CNTN4: variants seen among roughly 807,000 people sequenced by gnomAD.
CNTN4 encodes the protein contactin 4, also known as contactin-4.
Under a neutral mutation model 122.5 loss-of-function variants are expected in CNTN4, and 77 were observed. That is an observed-to-expected ratio of 0.63 (90% confidence interval 0.52 to 0.76). The LOEUF (loss-of-function observed/expected upper bound fraction) is 0.76. Ranked by LOEUF, CNTN4 falls within the 30% of genes least tolerant of loss-of-function variation. CNTN4 has a pLI of 0.00. For synonymous variants in CNTN4, 512 were observed against 447.0 expected (o/e 1.15, Z -1.83); for missense variants, 1,256 against 1,259.1 (o/e 1.00, Z 0.04).
intron 4 of CNTN4, among the ~76,000 whole-genome samples, chr3:2,689,246 G>C (rs1049005217): frequency 1.3e-5 from 2 of 152,136 alleles, no homozygotes; most frequent in Non-Finnish European, 2.9e-5. Context: ...CTAAATTCCA[G>C]TCAAAGTTGC....
intron 5 of CNTN4, among the ~76,000 whole-genome samples, chr3:2,744,524 C>T (rs1337338695): frequency 6.6e-6 from 1 of 152,174 alleles, no homozygotes; most frequent in Non-Finnish European, 1.5e-5. Flanking sequence ...GTGAATGCTG[C>T]TGTGATACTC....
At chr3:2,522,249 GT>G (rs2077248832) in intron 3 of CNTN4, among the ~76,000 whole-genome samples, 1 of 151,412 alleles carries the variant, frequency 6.6e-6, no homozygotes. Context: ...TACTTCCATA[GT>G]CTAGAAACAT....
intron 3 of CNTN4, among the ~76,000 whole-genome samples, chr3:2,373,820 A>G (rs947603916): frequency 1.3e-5 from 2 of 152,174 alleles, no homozygotes; most frequent in East Asian, 1.9e-4. Context: ...TTAAAGGTCA[A>G]CCTAATTAAA....
At chr3:2,843,748 C>T (rs533879679) in intron 7 of CNTN4, among the ~76,000 whole-genome samples, 49 of 152,288 alleles carry the variant, frequency 3.2e-4, no homozygotes, top group African/African-American at 1.1e-3. Context: ...TCCCCAGAAG[C>T]GGATACCAGC....
chr3:2,127,658 A>T (rs929520455), intron 2 of CNTN4, among the ~76,000 whole-genome samples: 93 of 152,268 alleles, frequency 6.1e-4, no homozygotes, highest in African/African-American at 2.1e-3. Context: ...TTACAGAAGG[A>T]TCAGATTCCA....
chr3:2,208,314 C>G (rs143492314), intron 2 of CNTN4, among the ~76,000 whole-genome samples: 12 of 152,198 alleles, frequency 7.9e-5, no homozygotes, highest in African/African-American at 2.6e-4. Flanking sequence ...TACAGAGGTT[C>G]AAGATTTCAG....
intron 2 of CNTN4, among the ~76,000 whole-genome samples, chr3:2,327,924 C>T (rs1328051684): frequency 6.6e-6 from 1 of 152,140 alleles, no homozygotes; most frequent in East Asian, 1.9e-4. Flanking sequence ...AAAGAATTCC[C>T]CTCACCCCTT....
At chr3:2,705,624 A>G (rs2086641634) in intron 4 of CNTN4, among the ~76,000 whole-genome samples, 1 of 88,516 alleles carries the variant, frequency 1.1e-5, no homozygotes, top group Non-Finnish European at 1.9e-5. Flanking sequence ...TATATATAAT[A>G]TATAAATATA....
chr3:3,043,163 C>T lies in CNTN4; in HGVS notation c.2698C>T (p.Pro900Ser), dbSNP rs756387456. 4.3e-6 allele frequency: 7 copies of T among 1,613,896 alleles called. No individual in the cohort carries two copies. Among genetic ancestry groups the T allele is most frequent in the South Asian group, 1.1e-5 (1 of 91,080 alleles). Residue 900 changes from proline to serine, a missense_variant and splice_region_variant, in exon 22 of 25, where the codon CCA becomes TCA. Physicochemically the swap from Pro to Ser is moderately conservative, Grantham distance 74. Transcript: ENST00000418658. Reference sequence around the variant, plus strand: ...AGTCAATGTGACAACCCGAAAGCCACGTAAGAACAGACTTGCTCAGAAATA... The same window carrying T: ...AGTCAATGTGACAACCCGAAAGCCATGTAAGAACAGACTTGCTCAGAAATA... Reference protein sequence around the residue: ...ATVNVTTRKPPPSQPPGNIIW... With the variant: ...ATVNVTTRKPSPSQPPGNIIW...
intron 2 of CNTN4, among the ~76,000 whole-genome samples, chr3:2,118,370 A>AC (rs2033512971): frequency 6.6e-6 from 1 of 151,970 alleles, no homozygotes. Flanking sequence ...TATGCTTAAA[A>AC]CCCCTTAGTA....
At position 2,798,698 on chromosome 3, in the gene CNTN4, A is replaced by T. The variant is rs78353971; in HGVS notation, c.359-20788A>T. 5.8e-3 allele frequency among the ~76,000 whole-genome samples: 887 copies of T among 152,192 alleles called. 10 individuals carry two copies. The highest frequency in any genetic ancestry group is 0.019 in the African/African-American group (794 of 41,518). On this transcript the variant is annotated intron_variant, in intron 6 of 24. Coordinates refer to ENST00000418658, the MANE Select transcript of CNTN4 (RefSeq NM_175607.3). ...CTGTTTTTTTGTATTTTTAGTAGAGATGCGGCCTTGTCATGTTGTCCAGGC... is the reference window on the plus strand; with the variant it reads ...CTGTTTTTTTGTATTTTTAGTAGAGTTGCGGCCTTGTCATGTTGTCCAGGC...
intron 3 of CNTN4, among the ~76,000 whole-genome samples, chr3:2,496,215 C>G (rs895978697): frequency 6.6e-6 from 1 of 152,070 alleles, no homozygotes; most frequent in Admixed American, 6.6e-5. Flanking sequence ...AGTAGGAAAG[C>G]CATTTACTCT....
intron 23 of CNTN4, among the ~76,000 whole-genome samples, chr3:3,053,127 C>T (rs1176774819): frequency 1.3e-5 from 2 of 152,154 alleles, no homozygotes; most frequent in Non-Finnish European, 2.9e-5. Flanking sequence ...GTCTGCCTCC[C>T]GGGTGCAAGC....
At chr3:2,142,474 C>T (rs1322322064) in intron 2 of CNTN4, among the ~76,000 whole-genome samples, 1 of 152,090 alleles carries the variant, frequency 6.6e-6, no homozygotes, top group Non-Finnish European at 1.5e-5. Context: ...AGAGATTCTC[C>T]TGCCTCAGCC....
At chr3:2,380,166 C>T (rs560761549) in intron 3 of CNTN4, among the ~76,000 whole-genome samples, 1 of 151,918 alleles carries the variant, frequency 6.6e-6, no homozygotes, top group African/African-American at 2.4e-5. Flanking sequence ...AAATGTCATT[C>T]TCTTTCCTCT....
chr3:2,189,548 G>T lies in CNTN4; in HGVS notation c.-145+88909G>T, dbSNP rs116440995. Among the ~76,000 whole-genome samples, 213 of 152,270 alleles carry T rather than the reference G, an allele frequency of 1.4e-3. 2 individuals are homozygous for T. The highest frequency in any genetic ancestry group is 5.0e-3 in the African/African-American group (207 of 41,554). On this transcript the variant is annotated intron_variant, in intron 2 of 24. Transcript: ENST00000418658. ...TGATCCATGGAATGGGCTGAAGGTT[G>T]AGAGAGATTGATACCCTGAGAGAGG...
At chr3:2,486,501 A>G (rs2076167115) in intron 3 of CNTN4, among the ~76,000 whole-genome samples, 3 of 152,000 alleles carry the variant, frequency 2.0e-5, no homozygotes, top group South Asian at 4.1e-4. Context: ...GTTGTTCACT[A>G]AAGACCAGAT....
At chr3:2,963,270 C>T (rs12633324) in intron 13 of CNTN4, among the ~76,000 whole-genome samples, 16,495 of 152,116 alleles carry the variant, frequency 0.11, 1,199 homozygotes, top group East Asian at 0.33. Flanking sequence ...AGACCTCGCT[C>T]GTATTACCTC....
At chr3:2,537,903 C>T (rs1460851209) in intron 3 of CNTN4, among the ~76,000 whole-genome samples, 1 of 152,044 alleles carries the variant, frequency 6.6e-6, no homozygotes, top group Admixed American at 6.6e-5. Context: ...CTCCCTCCTT[C>T]CCGTCAAGTC....
Sources: gnomAD v4.1 joint callset for allele counts (sites outside exome capture counted in the v4.1 genomes callset) on GRCh38, gnomAD v4.1.1 for gene constraint, MANE v1.5 for transcripts, NCBI Gene and HGNC (gene_info 2026-07-23, HGNC 2026-07-21) for gene names.